The following ASIC2 variants were observed in gnomAD, a reference collection of about 807,000 sequenced individuals.
The protein encoded by ASIC2 is acid sensing ion channel subunit 2.
ASIC2 carries 25 observed loss-of-function variants against 57.3 expected under a neutral mutation model. The observed-to-expected ratio is 0.44, with a 90% CI of 0.32 to 0.61. The LOEUF is 0.61. ASIC2 is among the 20% of genes least tolerant of loss of function. ASIC2 has a pLI of 0.06. For synonymous variants in ASIC2, 319 were observed against 307.5 expected, an observed-to-expected ratio of 1.04 and a Z score of -0.39; for missense variants, 641 against 738.1, an observed-to-expected ratio of 0.87 and a Z score of 1.52.
At chr17:34,010,641 G>A (rs751892575) in intron 1 of ASIC2, among the ~76,000 whole-genome samples, 71 of 151,760 alleles carry the variant, frequency 4.7e-4, no homozygotes, top group South Asian at 2.5e-3. Flanking sequence ...ACACAGAGAG[G>A]CACACAGAAA....
chr17:33,810,614 C>T (rs1487134641), intron 1 of ASIC2, among the ~76,000 whole-genome samples: 1 of 151,986 alleles, frequency 6.6e-6, no homozygotes, highest in African/African-American at 2.4e-5. Context: ...GTGTCACTGC[C>T]CCATGGGACA....
At chr17:33,873,167 A>AATACATTCTTTTTTTGGCT (rs2141933263) in intron 1 of ASIC2, among the ~76,000 whole-genome samples, 1 of 152,302 alleles carries the variant, frequency 6.6e-6, no homozygotes, top group African/African-American at 2.4e-5. Flanking sequence ...ATTTTCCTTC[A>AATACATTCTTTTTTTGGCT]ATACATTCTT....
At chr17:33,131,730 A>T (rs918508528) in intron 1 of ASIC2, 1 of 152,274 alleles carries the variant, frequency 6.6e-6, no homozygotes, top group African/African-American at 2.4e-5. Flanking sequence ...CAAGAGGACC[A>T]TGAGTGGCCA....
intron 1 of ASIC2, among the ~76,000 whole-genome samples, chr17:33,351,035 C>T (rs189266320): frequency 6.6e-6 from 1 of 152,232 alleles, no homozygotes; most frequent in Admixed American, 6.5e-5. Flanking sequence ...TCTTTTTCTC[C>T]TTGATGTTCT....
In ASIC2 at chr17:33,458,448, A is replaced by G. The variant is rs149198683; in HGVS notation, c.556-346381T>C. Among the ~76,000 whole-genome samples, 3 of 152,228 alleles carry G rather than the reference A, an allele frequency of 2.0e-5. No individual in the cohort carries two copies. In the East Asian group the frequency reaches 5.8e-4, roughly 29 times the overall value. ...TCACATGTTTGACTGGGGAGCCAGG[A>G]GAGTTGGGTTTTAGTGAAAGGCCAG... On this transcript the variant is annotated intron_variant, in intron 1 of 9. Coordinates refer to the ASIC2 transcript ENST00000359872.
At chr17:33,352,897 G>A (rs1908240114) in intron 1 of ASIC2, among the ~76,000 whole-genome samples, 3 of 151,986 alleles carry the variant, frequency 2.0e-5, no homozygotes, top group Non-Finnish European at 4.4e-5. Flanking sequence ...TCTGTTGGGT[G>A]AACCCTCCCT....
chr17:33,649,559 C>T lies in ASIC2; in HGVS notation c.555+506419G>A, dbSNP rs559993046. ...ATATGTGTATGAAAAGGCAAAGTAACTAGAGTTGCTGAAATTATTTTGAAA... is the reference window on the plus strand; with the variant it reads ...ATATGTGTATGAAAAGGCAAAGTAATTAGAGTTGCTGAAATTATTTTGAAA... On this transcript the variant is annotated intron_variant, in intron 1 of 9. Transcript: ENST00000359872. 7.9e-5 allele frequency among the ~76,000 whole-genome samples: 12 copies of T among 152,240 alleles called. No individual in the cohort carries two copies. The South Asian group carries it at 2.1e-3, about 26-fold the overall frequency.
intron 1 of ASIC2, among the ~76,000 whole-genome samples, chr17:33,392,875 T>C (rs1012919338): frequency 6.6e-6 from 1 of 152,234 alleles, no homozygotes; most frequent in Admixed American, 6.5e-5. Flanking sequence ...GCTCCTGTCC[T>C]GGCAGCAGAC....
intron 1 of ASIC2, among the ~76,000 whole-genome samples, chr17:33,812,158 T>C (rs999127691): frequency 3.9e-5 from 6 of 152,146 alleles, no homozygotes; most frequent in African/African-American, 1.4e-4. Flanking sequence ...CTAGTGCTTC[T>C]TCTGCCTCTC....
At chr17:34,125,234 G>A (rs1006252396) in intron 1 of ASIC2, among the ~76,000 whole-genome samples, 7 of 151,914 alleles carry the variant, frequency 4.6e-5, no homozygotes, top group African/African-American at 1.2e-4. Flanking sequence ...GCCAGCATCC[G>A]CTGAAATGGC....
At chr17:33,905,312 G>A (rs933140831) in intron 1 of ASIC2, among the ~76,000 whole-genome samples, 2 of 152,114 alleles carry the variant, frequency 1.3e-5, no homozygotes, top group Non-Finnish European at 2.9e-5. Flanking sequence ...ACTGACCAGA[G>A]CATTGAGACA....
chr17:33,292,062 T>A lies in ASIC2; in HGVS notation c.54A>T (p.Gly18=). The A allele has an allele frequency of 9.2e-7, 1 of 1,092,842 alleles. No homozygotes were observed. Among genetic ancestry groups the A allele is most frequent in the Non-Finnish European group, 1.1e-6 (1 of 903,080 alleles). 67.7% of individuals were successfully genotyped at this position (1,092,842 alleles called of 1,614,324 possible). The change falls in exon 1 of 10, where the codon GGA becomes GGT. Residue 18 remains glycine, a synonymous_variant. Transcript: ENST00000225823. The part of the protein sequence containing the change: ...GLPAAALTGP[G]RFRMAREEPA... The stretch of plus-strand genomic sequence containing the variant: ...GCTCCTCGCGGGCCATGCGGAAGCG[T>A]CCCGGGCCGGTGAGCGCGGCTGCGG...
At chr17:33,575,512 G>A (rs1257043408) in intron 1 of ASIC2, among the ~76,000 whole-genome samples, 1 of 152,220 alleles carries the variant, frequency 6.6e-6, no homozygotes, top group African/African-American at 2.4e-5. Context: ...GAAGAAAGGA[G>A]CTCTGTGACA....
intron 1 of ASIC2, among the ~76,000 whole-genome samples, chr17:34,084,181 T>A (rs1308534124): frequency 2.0e-5 from 3 of 151,840 alleles, no homozygotes; most frequent in Non-Finnish European, 2.9e-5. Flanking sequence ...CTTTAATCCA[T>A]CTTGAATTGA....
Position 34,016,079 on chromosome 17 carries a change from G to C in ASIC2, c.555+139899C>G, listed in dbSNP as rs575968206. Among the ~76,000 whole-genome samples, 7 of 152,332 alleles carry C rather than the reference G, an allele frequency of 4.6e-5. No individual in the cohort carries two copies. The East Asian group carries it at 1.3e-3, about 29-fold the overall frequency. On this transcript the variant is annotated intron_variant, in intron 1 of 9. Coordinates refer to the ASIC2 transcript ENST00000359872. ...ACATGCAAGCAATATCCATCGATATGTAAGCAAAAGTATAAGATGTGCTCA... is the reference window on the plus strand; with the variant it reads ...ACATGCAAGCAATATCCATCGATATCTAAGCAAAAGTATAAGATGTGCTCA...
intron 1 of ASIC2, among the ~76,000 whole-genome samples, chr17:33,659,519 G>A (rs1597824595): frequency 6.6e-6 from 1 of 152,156 alleles, no homozygotes; most frequent in African/African-American, 2.4e-5. Flanking sequence ...ACAATGGTAA[G>A]GGTTTGTGTA....
At chr17:33,281,749 C>T (rs1386384802) in intron 1 of ASIC2, among the ~76,000 whole-genome samples, 2 of 152,204 alleles carry the variant, frequency 1.3e-5, no homozygotes, top group African/African-American at 4.8e-5. Context: ...TCCTCTTTGC[C>T]TTGAATGGCT....
intron 1 of ASIC2, among the ~76,000 whole-genome samples, chr17:33,750,065 A>C (rs1214353002): frequency 3.3e-5 from 5 of 150,314 alleles, no homozygotes; most frequent in Non-Finnish European, 7.4e-5. Context: ...TCCTTCCTCT[A>C]CTCCTGTCCA....
intron 1 of ASIC2, among the ~76,000 whole-genome samples, chr17:33,895,973 G>T (rs1227903287): frequency 1.3e-5 from 2 of 151,942 alleles, no homozygotes; most frequent in East Asian, 3.9e-4. Flanking sequence ...AACAGCAGCT[G>T]CCCTGTCAGG....
Sources: allele counts gnomAD v4.1 joint callset (sites outside exome capture counted in the v4.1 genomes callset), GRCh38; gene constraint gnomAD v4.1.1; transcripts MANE v1.5; gene names NCBI Gene and HGNC (gene_info 2026-07-23, HGNC 2026-07-21).